The following SFMBT2 variants were observed in gnomAD, a reference collection of about 807,000 sequenced individuals.
SFMBT2 encodes the protein scm-like with four MBT domains protein 2.
A neutral mutation model predicts 110.1 loss-of-function variants in SFMBT2; 38 were observed. The ratio of observed to expected loss-of-function variants is 0.35; its 90% CI spans 0.27 to 0.45. SFMBT2 has a LOEUF of 0.45. Ranked by LOEUF, SFMBT2 falls within the 20% of genes least tolerant of loss-of-function variation. SFMBT2 has a pLI of 1.00. For missense variants in SFMBT2, 1,011 were observed against 1,094.9 expected (o/e 0.92, Z 1.08); for synonymous variants, 425 against 425.4 (o/e 1.00, Z 0.01).
intron 7 of SFMBT2, among the ~76,000 whole-genome samples, chr10:7,261,882 G>C (rs1200297926): frequency 1.3e-5 from 2 of 152,220 alleles, no homozygotes; most frequent in African/African-American, 2.4e-5. Context: ...ATTCAAAGTA[G>C]GGTGGCTGGC....
chr10:7,315,091 A>G (rs1245261596), intron 4 of SFMBT2, among the ~76,000 whole-genome samples: 1 of 146,330 alleles, frequency 6.8e-6, no homozygotes. Context: ...AAAGAAAGAA[A>G]GAAAGAAAGA....
intron 4 of SFMBT2, among the ~76,000 whole-genome samples, chr10:7,365,830 G>A (rs946076342): frequency 6.6e-6 from 1 of 152,166 alleles, no homozygotes; most frequent in Admixed American, 6.5e-5. Flanking sequence ...TTCCGGGGAG[G>A]GGGAGAATGG....
chr10:7,222,015 G>A (rs930457071), intron 10 of SFMBT2, among the ~76,000 whole-genome samples: 1 of 152,140 alleles, frequency 6.6e-6, no homozygotes, highest in Admixed American at 6.5e-5. Context: ...TTCTCATTAT[G>A]AGAAAATTTT....
chr10:7,271,522 CA>C, intron 7 of SFMBT2, among the ~76,000 whole-genome samples: 1 of 152,228 alleles, frequency 6.6e-6, no homozygotes, highest in South Asian at 2.1e-4. Context: ...TGTGACAGAA[CA>C]AGCTGCTGAA....
chr10:7,182,399 C>G (rs1313098892), intron 16 of SFMBT2, among the ~76,000 whole-genome samples: 2 of 152,076 alleles, frequency 1.3e-5, no homozygotes, highest in Admixed American at 1.3e-4. Context: ...TTTTACCTTC[C>G]AAGAAAGACT....
chr10:7,320,647 A>G (rs953994528), intron 4 of SFMBT2: 20 of 963,070 alleles, frequency 2.1e-5, no homozygotes, highest in Non-Finnish European at 2.4e-5. Flanking sequence ...TGGGAGGTTA[A>G]GTAATAGGAA....
chr10:7,400,849 C>T (rs1016893126), intron 1 of SFMBT2, among the ~76,000 whole-genome samples: 2 of 152,120 alleles, frequency 1.3e-5, no homozygotes, highest in Non-Finnish European at 2.9e-5. Context: ...AGCATCCCCC[C>T]CGGCCAGGCG....
At chr10:7,165,293 C>T (rs376041847) in intron 20 of SFMBT2, among the ~76,000 whole-genome samples, 28 of 152,338 alleles carry the variant, frequency 1.8e-4, no homozygotes, top group African/African-American at 4.6e-4. Context: ...CAAGATCATA[C>T]GTCTCCGACA....
At chr10:7,209,316 C>T (rs749300834) in intron 11 of SFMBT2, among the ~76,000 whole-genome samples, 4 of 152,354 alleles carry the variant, frequency 2.6e-5, no homozygotes, top group South Asian at 2.1e-4. Context: ...CATTGCTTCT[C>T]GGCCTTTTGG....
At chr10:7,206,420 C>G in intron 11 of SFMBT2, 1 of 985,448 alleles carries the variant, frequency 1.0e-6, no homozygotes, top group Non-Finnish European at 1.2e-6. Context: ...TCAAGCATCA[C>G]AGCTAAACGG....
chr10:7,407,067 A>T (rs1846237015), intron 1 of SFMBT2, among the ~76,000 whole-genome samples: 5 of 152,166 alleles, frequency 3.3e-5, no homozygotes, highest in Admixed American at 1.3e-4. Flanking sequence ...AAGAGCAAAG[A>T]TAAGATCTGA....
intron 4 of SFMBT2, among the ~76,000 whole-genome samples, chr10:7,351,916 C>A (rs745568949): frequency 3.3e-5 from 5 of 151,774 alleles, no homozygotes; most frequent in African/African-American, 4.8e-5. Flanking sequence ...AGGGAACTTT[C>A]CACATGACAG....
intron 2 of SFMBT2, chr10:7,370,753 G>A (rs1382812153): frequency 9.1e-6 from 8 of 882,274 alleles, no homozygotes; most frequent in Non-Finnish European, 1.1e-5. Context: ...ATCGTGCGCT[G>A]AGCAAGGGCT....
chr10:7,193,043 C>A (rs190999578), intron 15 of SFMBT2, among the ~76,000 whole-genome samples: 40 of 152,308 alleles, frequency 2.6e-4, no homozygotes, highest in Admixed American at 9.1e-4. Context: ...TTTCTCTGAA[C>A]TCTTAAGCAC....
chr10:7,205,009 G>T, intron 12 of SFMBT2: 1 of 754,682 alleles, frequency 1.3e-6, no homozygotes, highest in Non-Finnish European at 1.6e-6. Context: ...AAAGGGACGT[G>T]TGGTAATATA....
intron 1 of SFMBT2, among the ~76,000 whole-genome samples, chr10:7,401,535 C>T (rs752709829): frequency 2.6e-5 from 4 of 152,154 alleles, no homozygotes; most frequent in African/African-American, 7.2e-5. Flanking sequence ...TTAAAACCAA[C>T]GATGAAAGTA....
At chr10:7,187,959 A>T (rs1838468806) in intron 16 of SFMBT2, among the ~76,000 whole-genome samples, 2 of 152,236 alleles carry the variant, frequency 1.3e-5, no homozygotes, top group African/African-American at 4.8e-5. Context: ...CAATTATTCA[A>T]CATAAAATTA....
chr10:7,178,417 T>A (rs973694126), intron 16 of SFMBT2, among the ~76,000 whole-genome samples: 1 of 152,222 alleles, frequency 6.6e-6, no homozygotes, highest in Non-Finnish European at 1.5e-5. Context: ...AGGAACTGAT[T>A]TTATATATGG....
At chr10:7,368,983 TC>T (rs1185256731) in intron 3 of SFMBT2, among the ~76,000 whole-genome samples, 1 of 152,170 alleles carries the variant, frequency 6.6e-6, no homozygotes, top group Admixed American at 6.5e-5. Context: ...AATCTTAAAT[TC>T]CTTTTGGAAA....
Sources: gnomAD v4.1 joint callset for allele counts (sites outside exome capture counted in the v4.1 genomes callset) on GRCh38, gnomAD v4.1.1 for gene constraint, MANE v1.5 for transcripts, NCBI Gene and HGNC (gene_info 2026-07-23, HGNC 2026-07-21) for gene names.